ADAMTSL1: variants seen among roughly 807,000 people sequenced by gnomAD.
ADAMTSL1 encodes ADAMTS like 1, also known as ADAMTS-like protein 1.
In ADAMTSL1, 126 loss-of-function variants were observed where a neutral mutation model predicts 201.8. The ratio of observed to expected loss-of-function variants is 0.62; its 90% CI spans 0.54 to 0.72. The LOEUF (loss-of-function observed/expected upper bound fraction) is 0.72. Ranked by LOEUF, ADAMTSL1 falls within the 30% of genes least tolerant of loss-of-function variation. ADAMTSL1 has a pLI of 0.00. For missense variants in ADAMTSL1, 2,679 were observed against 2,277.8 expected, an observed-to-expected ratio of 1.18 and a Z score of -3.59; for synonymous variants, 1,121 against 903.4, an observed-to-expected ratio of 1.24 and a Z score of -4.32.
chr9:18,526,128 G>T (rs981605310), intron 2 of ADAMTSL1, among the ~76,000 whole-genome samples: 20 of 152,320 alleles, frequency 1.3e-4, no homozygotes, highest in Middle Eastern at 6.8e-3. Flanking sequence ...GGGTGCTCCT[G>T]TGTTGGCTGC....
At chr9:18,797,090 G>A (rs1379285930) in intron 20 of ADAMTSL1, among the ~76,000 whole-genome samples, 7 of 152,180 alleles carry the variant, frequency 4.6e-5, no homozygotes, top group African/African-American at 1.7e-4. Context: ...ATTGGAGGCT[G>A]CCAACAAGTT....
intron 1 of ADAMTSL1, among the ~76,000 whole-genome samples, chr9:18,096,532 G>A (rs975319831): frequency 6.6e-6 from 1 of 152,182 alleles, no homozygotes; most frequent in African/African-American, 2.4e-5. Context: ...TGCCATATTG[G>A]ATAGTGCACT....
chr9:18,468,831 G>A (rs1821100983), intron 2 of ADAMTSL1, among the ~76,000 whole-genome samples: 1 of 152,172 alleles, frequency 6.6e-6, no homozygotes, highest in African/African-American at 2.4e-5. Context: ...AAGTCTTGTA[G>A]GGAGAACCGT....
intron 2 of ADAMTSL1, among the ~76,000 whole-genome samples, chr9:18,199,793 A>G (rs549015125): frequency 6.6e-6 from 1 of 152,244 alleles, no homozygotes; most frequent in Non-Finnish European, 1.5e-5. Flanking sequence ...AAAATTCTTC[A>G]TTATTGGTAA....
chr9:18,309,510 G>A (rs1414546902), intron 2 of ADAMTSL1, among the ~76,000 whole-genome samples: 1 of 152,034 alleles, frequency 6.6e-6, no homozygotes, highest in African/African-American at 2.4e-5. Context: ...AAATCAATGT[G>A]CAAAAATCAC....
rs182897841 is a variant in ADAMTSL1 at position 18,822,158 on chromosome 9, A to G, written c.3935-4126A>G. Among the ~76,000 whole-genome samples the G allele has an allele frequency of 6.2e-4, 95 of 152,316 alleles. 1 individual carries two copies. The highest frequency in any genetic ancestry group is 2.1e-3 in the African/African-American group (86 of 41,570). On this transcript the variant is annotated intron_variant, in intron 21 of 28. Transcript: ENST00000380548. ...AGCCTATCCAAGTAGCTGGTCCACAACAACATAGCTTTTGGATTTTGTTCT... is the reference window on the plus strand; with the variant it reads ...AGCCTATCCAAGTAGCTGGTCCACAGCAACATAGCTTTTGGATTTTGTTCT...
At chr9:18,711,969 A>AC (rs1271786686) in intron 14 of ADAMTSL1, among the ~76,000 whole-genome samples, 1 of 151,292 alleles carries the variant, frequency 6.6e-6, no homozygotes, top group African/African-American at 2.4e-5. Flanking sequence ...ACTGGGAGGC[A>AC]CCCCCCAGCA....
At chr9:18,776,292 T>C (rs1446944955) in intron 18 of ADAMTSL1, among the ~76,000 whole-genome samples, 1 of 152,232 alleles carries the variant, frequency 6.6e-6, no homozygotes, top group Non-Finnish European at 1.5e-5. Flanking sequence ...GTCCTTACCA[T>C]GTCCTTTAGG....
At chr9:18,560,336 C>G (rs1262045114) in intron 3 of ADAMTSL1, among the ~76,000 whole-genome samples, 3 of 152,128 alleles carry the variant, frequency 2.0e-5, no homozygotes, top group Non-Finnish European at 4.4e-5. Context: ...GTTGAACCAG[C>G]CTTGCATCCC....
At chr9:18,086,170 A>G (rs1262738848) in intron 1 of ADAMTSL1, among the ~76,000 whole-genome samples, 2 of 152,124 alleles carry the variant, frequency 1.3e-5, no homozygotes, top group Non-Finnish European at 2.9e-5. Flanking sequence ...CCTATTGGTC[A>G]TTTACATGAA....
At chr9:17,908,863 A>G (rs1258345742) in intron 1 of ADAMTSL1, among the ~76,000 whole-genome samples, 2 of 152,052 alleles carry the variant, frequency 1.3e-5, no homozygotes, top group African/African-American at 4.8e-5. Flanking sequence ...GTCAAATGGT[A>G]TTTCTAGTTC....
intron 1 of ADAMTSL1, among the ~76,000 whole-genome samples, chr9:18,076,560 T>C (rs1823235301): frequency 6.6e-6 from 1 of 152,088 alleles, no homozygotes; most frequent in East Asian, 1.9e-4. Flanking sequence ...GAAGCTGTCT[T>C]GAGAAAGATA....
At position 18,043,513 on chromosome 9, in the gene ADAMTSL1, A is replaced by T. The variant is rs149656269; in HGVS notation, c.88-120349A>T. Among the ~76,000 whole-genome samples the T allele has an allele frequency of 3.9e-3, 595 of 152,228 alleles. 3 individuals carry two copies. Among genetic ancestry groups the T allele is most frequent in the African/African-American group, 0.013 (549 of 41,528 alleles). On this transcript the variant is annotated intron_variant, in intron 1 of 29. Coordinates refer to the ADAMTSL1 transcript ENST00000680146. ...CACAAGTTATTGCAGTTCATTGAAAATAATGGGAAAACTGCAATTATTTGT... is the reference window on the plus strand; with the variant it reads ...CACAAGTTATTGCAGTTCATTGAAATTAATGGGAAAACTGCAATTATTTGT...
chr9:18,102,012 G>A lies in ADAMTSL1; in HGVS notation c.88-61850G>A, dbSNP rs1182487409. Among the ~76,000 whole-genome samples, 3 of 152,158 alleles carry A rather than the reference G, an allele frequency of 2.0e-5. No homozygotes were observed. The East Asian group carries it at 5.8e-4, about 29-fold the overall frequency. The stretch of plus-strand genomic sequence containing the variant: ...ACAGAAATTTTCATTTAGCTCCCGT[G>A]TGTGGGCATATTTTTATGTTTCTTT... On this transcript the variant is annotated intron_variant, in intron 1 of 29. Coordinates refer to the ADAMTSL1 transcript ENST00000680146.
At chr9:18,092,412 T>C (rs566937502) in intron 1 of ADAMTSL1, among the ~76,000 whole-genome samples, 1 of 152,360 alleles carries the variant, frequency 6.6e-6, no homozygotes, top group Admixed American at 6.5e-5. Context: ...AGCAATATAG[T>C]TGAATTAGGG....
In ADAMTSL1 at chr9:18,863,360, C is replaced by T. The variant is rs150300444; in HGVS notation, c.4250-24471C>T. Among the ~76,000 whole-genome samples, 285 of 152,300 alleles carry T rather than the reference C, an allele frequency of 1.9e-3. 1 individual carries two copies. Among genetic ancestry groups the T allele is most frequent in the Non-Finnish European group, 3.1e-3 (212 of 68,024 alleles). The stretch of plus-strand genomic sequence containing the variant: ...CAGGATCATGGGAGACGTTAGCATA[C>T]CCCCTGCCAACGGAAACCCAAAGCT... On this transcript the variant is annotated intron_variant, in intron 23 of 28. Coordinates refer to ENST00000380548, the MANE Select transcript of ADAMTSL1 (RefSeq NM_001040272.6).
chr9:18,889,445 A>C, intron 24 of ADAMTSL1, 123 bp from the exon 25 acceptor site: 8 of 1,023,850 alleles, frequency 7.8e-6, no homozygotes, highest in Non-Finnish European at 1.1e-5. Context: ...CATTTATAAT[A>C]GCTCCTCTCC....
intron 2 of ADAMTSL1, among the ~76,000 whole-genome samples, chr9:18,219,307 T>G (rs973231881): frequency 2.4e-4 from 36 of 151,622 alleles, no homozygotes; most frequent in Admixed American, 7.2e-4. Flanking sequence ...TATTTTATCC[T>G]CTTACCTATG....
chr9:17,978,758 CT>C (rs1818559757), intron 1 of ADAMTSL1, among the ~76,000 whole-genome samples: 1 of 151,490 alleles, frequency 6.6e-6, no homozygotes, highest in African/African-American at 2.4e-5. Context: ...AAATACTTAC[CT>C]TTACCATTGA....
Sources: allele counts gnomAD v4.1 joint callset (sites outside exome capture counted in the v4.1 genomes callset), GRCh38; gene constraint gnomAD v4.1.1; transcripts MANE v1.5; gene names NCBI Gene and HGNC (gene_info 2026-07-23, HGNC 2026-07-21).